Variants in KCNC2 observed in about 807,000 individuals in gnomAD.
KCNC2 encodes the protein voltage-gated potassium channel KCNC2.
KCNC2 carries 21 observed loss-of-function variants against 44.5 expected under a neutral mutation model. The observed-to-expected ratio is 0.47, with a 90% CI of 0.33 to 0.68. The LOEUF (loss-of-function observed/expected upper bound fraction) is 0.68, where lower values mean the gene tolerates loss of function less well. KCNC2 is among the 30% of genes least tolerant of loss of function. The pLI is 0.01. For missense variants in KCNC2, 589 were observed against 826.2 expected, an observed-to-expected ratio of 0.71 and a Z score of 3.52; for synonymous variants, 391 against 339.1, an observed-to-expected ratio of 1.15 and a Z score of -1.68.
Position 75,139,782 on chromosome 12 carries a change from A to T in KCNC2, c.687+67515T>A, listed in dbSNP as rs185640716. On this transcript the variant is annotated intron_variant, in intron 2 of 4. Coordinates refer to ENST00000549446, the MANE Select transcript of KCNC2 (RefSeq NM_139137.4). The stretch of plus-strand genomic sequence containing the variant: ...TTCTGAAGAACGTTGTGACAACATT[A>T]ATTATTAGACTTTGTTTTTCTTCTA... Among the ~76,000 whole-genome samples the T allele has an allele frequency of 3.3e-5, 5 of 152,302 alleles. No homozygotes were observed. In the East Asian group the frequency reaches 9.6e-4, roughly 29 times the overall value.
chr12:75,053,855 AAAAG>A (rs1300509644), intron 2 of KCNC2, among the ~76,000 whole-genome samples: 2 of 149,744 alleles, frequency 1.3e-5, no homozygotes, highest in Non-Finnish European at 3.0e-5. Context: ...TAATATTTGA[AAAAG>A]AAAACAACTT....
chr12:75,194,908 C>A (rs1023690392), intron 2 of KCNC2, among the ~76,000 whole-genome samples: 1 of 152,118 alleles, frequency 6.6e-6, no homozygotes, highest in Non-Finnish European at 1.5e-5. Context: ...CTGAAGTCAC[C>A]ATCTTCCCAG....
intron 2 of KCNC2, among the ~76,000 whole-genome samples, chr12:75,146,565 G>A (rs1351480866): frequency 6.6e-6 from 1 of 152,074 alleles, no homozygotes; most frequent in Admixed American, 6.6e-5. Flanking sequence ...AAATAGATTT[G>A]TTTCATATTT....
intron 3 of KCNC2, among the ~76,000 whole-genome samples, chr12:75,048,559 A>G (rs1485825833): frequency 1.3e-5 from 2 of 152,154 alleles, no homozygotes; most frequent in Non-Finnish European, 2.9e-5. Flanking sequence ...GATTTTATCT[A>G]ATAGGAAACT....
At chr12:75,158,368 A>G (rs550168242) in intron 2 of KCNC2, among the ~76,000 whole-genome samples, 74 of 151,928 alleles carry the variant, frequency 4.9e-4, no homozygotes, top group Non-Finnish European at 9.0e-4. Context: ...CCATACATAT[A>G]TTTGGAAATC....
chr12:75,187,145 T>C (rs1893009444), intron 2 of KCNC2, among the ~76,000 whole-genome samples: 1 of 152,194 alleles, frequency 6.6e-6, no homozygotes, highest in Non-Finnish European at 1.5e-5. Flanking sequence ...GATAAGCACT[T>C]TCCCTTTTTG....
intron 4 of KCNC2, 150 bp from the exon 5 acceptor site, chr12:75,043,391 T>A: frequency 7.2e-7 from 1 of 1,394,546 alleles, no homozygotes; most frequent in South Asian, 1.7e-5. Context: ...TTTATAACTC[T>A]AAAAAAATGA....
chr12:75,106,047 G>C (rs1279659994), intron 2 of KCNC2, among the ~76,000 whole-genome samples: 1 of 151,922 alleles, frequency 6.6e-6, no homozygotes, highest in Non-Finnish European at 1.5e-5. Context: ...AACAGTAAAA[G>C]AGACTAAGAA....
At chr12:75,106,603 T>A (rs1886805863) in intron 2 of KCNC2, among the ~76,000 whole-genome samples, 1 of 152,092 alleles carries the variant, frequency 6.6e-6, no homozygotes, top group African/African-American at 2.4e-5. Context: ...AATGGATGCA[T>A]ATAGATACAT....
intron 2 of KCNC2, among the ~76,000 whole-genome samples, chr12:75,151,743 A>G (rs971204228): frequency 5.9e-5 from 9 of 151,468 alleles, no homozygotes; most frequent in Non-Finnish European, 4.4e-5. Flanking sequence ...AATCAACCAG[A>G]TTTGAAAAAG....
At chr12:75,200,663 A>G (rs940426704) in intron 2 of KCNC2, among the ~76,000 whole-genome samples, 1 of 151,788 alleles carries the variant, frequency 6.6e-6, no homozygotes, top group Non-Finnish European at 1.5e-5. Flanking sequence ...AAACAGAAAT[A>G]TGGAGCACTA....
chr12:75,088,059 T>C (rs935526263), intron 2 of KCNC2, among the ~76,000 whole-genome samples: 1 of 152,032 alleles, frequency 6.6e-6, no homozygotes, highest in Non-Finnish European at 1.5e-5. Context: ...GTTTTAGAGC[T>C]GGTCTATGAA....
At chr12:75,051,527 T>C (rs1300555522) in intron 2 of KCNC2, among the ~76,000 whole-genome samples, 3 of 152,126 alleles carry the variant, frequency 2.0e-5, no homozygotes, top group Non-Finnish European at 4.4e-5. Context: ...GTTTTCAGCT[T>C]ATAGATACAA....
intron 2 of KCNC2, among the ~76,000 whole-genome samples, chr12:75,125,793 A>G (rs1277789666): frequency 2.0e-5 from 3 of 152,126 alleles, no homozygotes; most frequent in African/African-American, 7.2e-5. Flanking sequence ...ACCATTATCA[A>G]ACTATATACA....
At chr12:75,146,961 G>A (rs1890068925) in intron 2 of KCNC2, among the ~76,000 whole-genome samples, 1 of 151,956 alleles carries the variant, frequency 6.6e-6, no homozygotes, top group African/African-American at 2.4e-5. Flanking sequence ...AAAGTACCAA[G>A]GATCTGAAAG....
intron 2 of KCNC2, among the ~76,000 whole-genome samples, chr12:75,100,189 C>A (rs187368071): frequency 1.3e-5 from 2 of 151,980 alleles, no homozygotes; most frequent in Non-Finnish European, 2.9e-5. Context: ...TAGTCTTTTT[C>A]ATATCTCAGA....
At chr12:75,163,281 C>A (rs546897333) in intron 2 of KCNC2, among the ~76,000 whole-genome samples, 4 of 151,614 alleles carry the variant, frequency 2.6e-5, no homozygotes, top group South Asian at 4.2e-4. Flanking sequence ...TATCTAGTTC[C>A]CTTGGCCAAA....
chr12:75,151,165 T>C (rs950694669), intron 2 of KCNC2, among the ~76,000 whole-genome samples: 1 of 151,978 alleles, frequency 6.6e-6, no homozygotes, highest in African/African-American at 2.4e-5. Context: ...TAGAAAAACC[T>C]TGCACAGAAA....
chr12:75,207,971 C>T lies in KCNC2; in HGVS notation c.13G>A (p.Glu5Lys), dbSNP rs201502098. MGKI[E>K]NNERVILNVG... is the part of the protein sequence containing the mutation. ...TTGAGGATCACCCTCTCGTTGTTCT[C>T]GATCTTGCCCATCTCTGTGACTCAG... The change falls in exon 2 of 5, where the codon GAG becomes AAG. Residue 5 changes from glutamate to lysine, a missense_variant. By Grantham distance (56) the Glu-to-Lys change is moderately conservative. Transcript: ENST00000549446. The surrounding 1 kb of genome is among the most constrained non-coding windows in gnomAD (Gnocchi z 4.1). The T allele has an allele frequency of 1.2e-6, 2 of 1,612,360 alleles. No individual in the cohort carries two copies. Among genetic ancestry groups the T allele is most frequent in the South Asian group, 2.2e-5 (2 of 90,960 alleles).
Sources: gnomAD v4.1 joint callset for allele counts (sites outside exome capture counted in the v4.1 genomes callset) on GRCh38, gnomAD v4.1.1 for gene constraint, Gnocchi (gnomAD v3.1) non-coding constraint, MANE v1.5 for transcripts, NCBI Gene and HGNC (gene_info 2026-07-23, HGNC 2026-07-21) for gene names.